The following SOX5 variants were observed in gnomAD, a reference collection of about 807,000 sequenced individuals.
The protein encoded by SOX5 is transcription factor SOX-5.
In SOX5, 9 loss-of-function variants were observed where a neutral mutation model predicts 92.0. The ratio of observed to expected loss-of-function variants is 0.10; its 90% CI spans 0.06 to 0.17. The LOEUF (loss-of-function observed/expected upper bound fraction) is 0.17, where lower values mean the gene tolerates loss of function less well. Ranked by LOEUF, SOX5 falls within the 10% of genes least tolerant of loss-of-function variation. The pLI, the probability that SOX5 is intolerant of heterozygous loss-of-function variation, is 1.00. For missense variants in SOX5, 642 were observed against 944.5 expected (o/e 0.68, Z 4.20); for synonymous variants, 344 against 336.3 (o/e 1.02, Z -0.25).
rs1744864389 is a variant in SOX5, at chr12:24,374,023, AC to A, written c.-250-5385del. 2.0e-5 allele frequency among the ~76,000 whole-genome samples: 3 copies of A among 151,736 alleles called. No homozygotes were observed. In the South Asian group the frequency reaches 6.3e-4, roughly 32 times the overall value. On this transcript the variant is annotated intron_variant, in intron 1 of 4. Transcript: ENST00000446891. ...GAAGATCTCCAAGATATGTCCCTTT[AC>A]AAAACAAAAGCAAAATGCAGATCAT...
In SOX5 at chr12:23,805,421, G is replaced by A. The variant is rs1003923259; in HGVS notation, c.481+40562C>T. On this transcript the variant is annotated intron_variant, in intron 3 of 14. Transcript: ENST00000451604. ...TGCTAAAAGAGATAAAACATGTAAA[G>A]CGCAATGCCTGAAAAAAAAACATAT... is the stretch of plus-strand genomic sequence containing the variant. Among the ~76,000 whole-genome samples the A allele has an allele frequency of 5.3e-5, 8 of 151,984 alleles. No homozygotes were observed. The East Asian group carries it at 9.7e-4, about 18-fold the overall frequency.
chr12:23,886,240 T>G (rs1008352473), intron 2 of SOX5, among the ~76,000 whole-genome samples: 18 of 152,228 alleles, frequency 1.2e-4, no homozygotes, highest in Non-Finnish European at 2.2e-4. Flanking sequence ...TGAATATGAT[T>G]GTCAAAATAT....
intron 1 of SOX5, among the ~76,000 whole-genome samples, chr12:24,474,568 C>T (rs1236965084): frequency 1.3e-5 from 2 of 152,194 alleles, no homozygotes; most frequent in East Asian, 1.9e-4. Flanking sequence ...CAGAGTCTAG[C>T]TCTGTCACCC....
chr12:23,805,556 A>G (rs1297993679), intron 3 of SOX5, among the ~76,000 whole-genome samples: 1 of 152,140 alleles, frequency 6.6e-6, no homozygotes, highest in African/African-American at 2.4e-5. Flanking sequence ...CCTATTCCCA[A>G]CCATTAAAAG....
At chr12:23,598,915 G>C (rs1952954492) in intron 9 of SOX5, among the ~76,000 whole-genome samples, 1 of 152,042 alleles carries the variant, frequency 6.6e-6, no homozygotes, top group Admixed American at 6.6e-5. Context: ...TCTCAATCAA[G>C]ATGAATTTTG....
chr12:24,240,404 C>T (rs12308358), intron 3 of SOX5, among the ~76,000 whole-genome samples: 1 of 152,086 alleles, frequency 6.6e-6, no homozygotes, highest in Non-Finnish European at 1.5e-5. Context: ...CCACATTTCC[C>T]AAAACAACAA....
chr12:24,496,270 T>C (rs996848478), intron 1 of SOX5, among the ~76,000 whole-genome samples: 5 of 152,196 alleles, frequency 3.3e-5, no homozygotes, highest in African/African-American at 7.2e-5. Context: ...CTCAAACTTT[T>C]TGGAAAAGCC....
At chr12:24,127,874 T>C (rs1949264384) in intron 4 of SOX5, among the ~76,000 whole-genome samples, 1 of 152,206 alleles carries the variant, frequency 6.6e-6, no homozygotes, top group Non-Finnish European at 1.5e-5. Flanking sequence ...GGTTGCACCC[T>C]ACAGTTTTCA....
chr12:23,842,575 G>A (rs1165068739), intron 3 of SOX5, among the ~76,000 whole-genome samples: 4 of 152,016 alleles, frequency 2.6e-5, no homozygotes, highest in Admixed American at 6.6e-5. Flanking sequence ...AGAGATTCTT[G>A]GAGATATGGA....
intron 2 of SOX5, among the ~76,000 whole-genome samples, chr12:24,351,054 A>AC (rs1047476117): frequency 2.1e-4 from 32 of 152,120 alleles, no homozygotes; most frequent in African/African-American, 7.7e-4. Flanking sequence ...CAAGAGCGAG[A>AC]CTCTATCTCA....
At chr12:23,940,616 G>A (rs1236448649) in intron 1 of SOX5, among the ~76,000 whole-genome samples, 1 of 151,200 alleles carries the variant, frequency 6.6e-6, no homozygotes, top group Non-Finnish European at 1.5e-5. Context: ...ACTAGAACTT[G>A]AGATCTTAAC....
At chr12:24,324,265 T>C (rs2140927120) in intron 2 of SOX5, among the ~76,000 whole-genome samples, 1 of 152,258 alleles carries the variant, frequency 6.6e-6, no homozygotes, top group African/African-American at 2.4e-5. Flanking sequence ...ATGTTCTACT[T>C]TTCTGGGTGA....
chr12:24,284,266 A>G (rs1945563723), intron 2 of SOX5, among the ~76,000 whole-genome samples: 1 of 152,138 alleles, frequency 6.6e-6, no homozygotes, highest in Admixed American at 6.6e-5. Context: ...CTTTAGACAC[A>G]TCTTTCTTTG....
Position 23,965,216 on chromosome 12 carries a change from C to T in SOX5, c.-1-69192G>A, listed in dbSNP as rs117488991. 7.3e-3 allele frequency among the ~76,000 whole-genome samples: 1,111 copies of T among 152,346 alleles called. 7 individuals carry two copies. Among genetic ancestry groups the T allele is most frequent in the Non-Finnish European group, 0.011 (758 of 68,032 alleles). On this transcript the variant is annotated intron_variant, in intron 4 of 4. Transcript: ENST00000446891. ...TTCTGGTGGAACCTGTAAAACCTGT[C>T]CACATTCATTGTCCGGAACAGGTGG... is the stretch of plus-strand genomic sequence containing the variant.
At position 23,563,281 on chromosome 12, in the gene SOX5, G is replaced by A; in HGVS notation, c.1465C>T (p.Leu489Phe). ...GKVAVVNSLG[L>F]NNCRTEKEKT... ...ACCTTTTCTGTTCGGCAGTTATTGA[G>A]ACCCAGACTATTCACAACAGCCACC... is the stretch of plus-strand genomic sequence containing the variant. The change falls in exon 11 of 15, where the codon CTC becomes TTC. Residue 489 changes from leucine to phenylalanine, a missense_variant. Physicochemically the swap from Leu to Phe is conservative, Grantham distance 22 (BLOSUM62 0). Coordinates refer to ENST00000451604, the MANE Select transcript of SOX5 (RefSeq NM_006940.6). 1 of 1,613,694 alleles carries A rather than the reference G, an allele frequency of 6.2e-7. No individual in the cohort carries two copies. Among genetic ancestry groups the A allele is most frequent in the Non-Finnish European group, 8.5e-7 (1 of 1,179,762 alleles).
chr12:23,594,030 GT>G (rs1051922747), intron 9 of SOX5, among the ~76,000 whole-genome samples: 1 of 152,126 alleles, frequency 6.6e-6, no homozygotes, highest in Non-Finnish European at 1.5e-5. Flanking sequence ...AGCAATTATA[GT>G]TTTTTAAGCT....
At chr12:24,193,963 AG>A (rs1956766901) in intron 4 of SOX5, among the ~76,000 whole-genome samples, 1 of 152,214 alleles carries the variant, frequency 6.6e-6, no homozygotes, top group Admixed American at 6.5e-5. Flanking sequence ...GGCCACCTAC[AG>A]AAATAATTCT....
chr12:24,131,753 C>T (rs1046426495), intron 4 of SOX5, among the ~76,000 whole-genome samples: 5 of 152,164 alleles, frequency 3.3e-5, no homozygotes, highest in African/African-American at 1.2e-4. Flanking sequence ...CATGTGATTG[C>T]CATGTGTAGG....
intron 3 of SOX5, among the ~76,000 whole-genome samples, chr12:23,782,501 T>G (rs1411796561): frequency 6.6e-6 from 1 of 152,058 alleles, no homozygotes; most frequent in East Asian, 1.9e-4. Flanking sequence ...ATCTAAAACT[T>G]TCGGATGTAA....
Sources: gnomAD v4.1 joint callset for allele counts (sites outside exome capture counted in the v4.1 genomes callset) on GRCh38, gnomAD v4.1.1 for gene constraint, MANE v1.5 for transcripts, NCBI Gene and HGNC (gene_info 2026-07-23, HGNC 2026-07-21) for gene names.